The following DCDC2 variants were observed in gnomAD, a reference collection of about 807,000 sequenced individuals.
DCDC2 encodes doublecortin domain-containing protein 2.
In DCDC2, 40 loss-of-function variants were observed where a neutral mutation model predicts 50.2. The ratio of observed to expected loss-of-function variants is 0.80; its 90% confidence interval spans 0.62 to 1.04. The LOEUF is 1.04. Ranked by LOEUF, DCDC2 falls within the 50% of genes least tolerant of loss-of-function variation. The probability of loss-of-function intolerance (pLI) is 0.00; values close to 1 mark genes in which losing one functional copy is unlikely to be tolerated. For synonymous variants in DCDC2, 234 were observed against 210.6 expected, an observed-to-expected ratio of 1.11 and a Z score of -0.96; for missense variants, 570 against 581.9, an observed-to-expected ratio of 0.98 and a Z score of 0.21.
At chr6:24,382,009 A>AGGCAGGCAGGCAGGC in the DCDC2 span, among the ~76,000 whole-genome samples, 192 of 116,496 alleles carry the variant, frequency 1.6e-3, 4 homozygotes, top group East Asian at 5.0e-3. Flanking sequence ...GGAAGGAAGG[A>AGGCAGGCAGGCAGGC]AGGCAGGCAA....
At chr6:24,230,596 A>G (rs1378419789) in intron 7 of DCDC2, among the ~76,000 whole-genome samples, 1 of 152,118 alleles carries the variant, frequency 6.6e-6, no homozygotes. Flanking sequence ...GTGAGCTAGG[A>G]TTGTGCCACT....
At chr6:24,324,614 T>A (rs530687739) in intron 2 of DCDC2, among the ~76,000 whole-genome samples, 1 of 152,300 alleles carries the variant, frequency 6.6e-6, no homozygotes, top group East Asian at 1.9e-4. Flanking sequence ...CCAGGCACAG[T>A]GGCTCACACC....
intron 6 of DCDC2, among the ~76,000 whole-genome samples, chr6:24,283,872 G>A (rs1376236113): frequency 6.6e-6 from 1 of 152,192 alleles, no homozygotes; most frequent in Admixed American, 6.5e-5. Context: ...TGGGCACTGT[G>A]CCAGGGGTTA....
In DCDC2 at chr6:24,219,439, C is replaced by G. The variant is rs1050291344; in HGVS notation, c.923-14337G>C. ...GTTCACAGGCAGCAAGTGGTAGAAGCAGGACTCTAATACAGCAGCCTGACA... is the reference window on the plus strand; with the variant it reads ...GTTCACAGGCAGCAAGTGGTAGAAGGAGGACTCTAATACAGCAGCCTGACA... On this transcript the variant is annotated intron_variant, in intron 7 of 9. Transcript: ENST00000378454. 2.0e-5 allele frequency among the ~76,000 whole-genome samples: 3 copies of G among 152,186 alleles called. No homozygotes were observed. In the East Asian group the frequency reaches 5.8e-4, roughly 29 times the overall value.
At chr6:24,288,805 T>C (rs748612455) in intron 6 of DCDC2, 47 bp downstream of exon 6, 9 of 1,536,670 alleles carry the variant, frequency 5.9e-6, no homozygotes, top group Non-Finnish European at 9.0e-7. Flanking sequence ...TCTCTTTGTA[T>C]CATATAAAAA....
At chr6:24,188,908 C>T (rs1761258520) in intron 8 of DCDC2, among the ~76,000 whole-genome samples, 1 of 151,970 alleles carries the variant, frequency 6.6e-6, no homozygotes, top group Admixed American at 6.6e-5. Flanking sequence ...ATCCAGAATG[C>T]AACTAGATTA....
At chr6:24,184,024 G>C (rs979243088) in intron 8 of DCDC2, among the ~76,000 whole-genome samples, 18 of 152,136 alleles carry the variant, frequency 1.2e-4, no homozygotes, top group African/African-American at 4.1e-4. Flanking sequence ...TCTCACAATA[G>C]CCCTATGAGT....
At chr6:24,360,316 G>A (rs1350407736), upstream of DCDC2, among the ~76,000 whole-genome samples, 1 of 152,174 alleles carries the variant, frequency 6.6e-6, no homozygotes, top group African/African-American at 2.4e-5. Flanking sequence ...TTCATCATGC[G>A]CTCATTCAGT....
chr6:24,183,022 G>A (rs1188246816), intron 8 of DCDC2, among the ~76,000 whole-genome samples: 10 of 152,194 alleles, frequency 6.6e-5, no homozygotes, highest in South Asian at 2.1e-4. Context: ...GAGATATTAT[G>A]CTAAGTGAAA....
At chr6:24,216,687 C>T (rs1231378100) in intron 7 of DCDC2, among the ~76,000 whole-genome samples, 1 of 152,238 alleles carries the variant, frequency 6.6e-6, no homozygotes, top group East Asian at 1.9e-4. Context: ...ATGTCAGCAC[C>T]ATAAAGCTTT....
chr6:24,302,190 A>G, intron 2 of DCDC2, 146 bp from the exon 3 acceptor site: 1 of 656,024 alleles, frequency 1.5e-6, no homozygotes, highest in South Asian at 2.2e-5. Flanking sequence ...ATTTCTGTAA[A>G]CTCTGAGCTC....
chr6:24,234,676 T>C (rs945582026), intron 7 of DCDC2, among the ~76,000 whole-genome samples: 3 of 152,144 alleles, frequency 2.0e-5, no homozygotes, highest in African/African-American at 7.2e-5. Flanking sequence ...ACATTAAGAT[T>C]GTGTCTAGAT....
chr6:24,194,062 C>A (rs930217954), intron 8 of DCDC2, among the ~76,000 whole-genome samples: 2 of 151,780 alleles, frequency 1.3e-5, no homozygotes, highest in African/African-American at 4.8e-5. Flanking sequence ...TTGTAAGAAC[C>A]AAGCACCTCA....
chr6:24,185,762 G>A (rs1363028113), intron 8 of DCDC2, among the ~76,000 whole-genome samples: 1 of 151,460 alleles, frequency 6.6e-6, no homozygotes, highest in Non-Finnish European at 1.5e-5. Context: ...CATGGTGACA[G>A]TCTGCAAAGA....
chr6:24,257,006 C>A (rs944459881), intron 7 of DCDC2, among the ~76,000 whole-genome samples: 1 of 152,128 alleles, frequency 6.6e-6, no homozygotes, highest in Non-Finnish European at 1.5e-5. Context: ...ATATATTGCA[C>A]CTAAGCTCTA....
the DCDC2 span, among the ~76,000 whole-genome samples, chr6:24,366,543 A>C: frequency 6.6e-6 from 1 of 152,236 alleles, no homozygotes; most frequent in South Asian, 2.1e-4. Flanking sequence ...AGTTAGTATC[A>C]TGGTAAACAT....
chr6:24,213,453 C>G (rs1448507382), intron 7 of DCDC2, among the ~76,000 whole-genome samples: 1 of 151,846 alleles, frequency 6.6e-6, no homozygotes, highest in Non-Finnish European at 1.5e-5. Flanking sequence ...AAAATAATAT[C>G]CTAAGAAGAA....
At chr6:24,270,831 T>A (rs1344609939) in intron 7 of DCDC2, among the ~76,000 whole-genome samples, 4 of 152,186 alleles carry the variant, frequency 2.6e-5, no homozygotes, top group African/African-American at 9.7e-5. Flanking sequence ...AATTTCAGCT[T>A]CTTTCAGAAA....
At chr6:24,205,362 T>G in intron 7 of DCDC2, 1 of 1,478,352 alleles carries the variant, frequency 6.8e-7, no homozygotes, top group Non-Finnish European at 9.0e-7. Context: ...ACCCTTTGGC[T>G]ACTGATTTAC....
Sources: gnomAD v4.1 joint callset for allele counts (sites outside exome capture counted in the v4.1 genomes callset) on GRCh38, gnomAD v4.1.1 for gene constraint, MANE v1.5 for transcripts, NCBI Gene and HGNC (gene_info 2026-07-23, HGNC 2026-07-21) for gene names.